XPO6: variants seen among roughly 807,000 people sequenced by gnomAD.
XPO6 encodes exportin-6.
Under a neutral mutation model 130.0 loss-of-function variants are expected in XPO6, and 3 were observed. That is an observed-to-expected ratio of 0.02 (90% CI 0.01 to 0.06). The LOEUF (loss-of-function observed/expected upper bound fraction) is 0.06. Among genes scored for constraint, XPO6 ranks in the 10% least tolerant of loss-of-function variants. The probability of loss-of-function intolerance (pLI) is 1.00; values close to 1 mark genes in which losing one functional copy is unlikely to be tolerated. For missense variants in XPO6, 970 were observed against 1,393.0 expected (o/e 0.70, Z 4.83); for synonymous variants, 524 against 548.9 (o/e 0.95, Z 0.63).
At chr16:28,189,211 G>T in intron 1 of XPO6, among the ~76,000 whole-genome samples, 1 of 149,580 alleles carries the variant, frequency 6.7e-6, no homozygotes, top group Non-Finnish European at 1.5e-5. Context: ...CTCCAAAAGT[G>T]CTGGGATTAG....
At chr16:28,110,658 G>C (rs904835656) in intron 17 of XPO6, among the ~76,000 whole-genome samples, 9 of 152,210 alleles carry the variant, frequency 5.9e-5, no homozygotes, top group African/African-American at 2.2e-4. Flanking sequence ...CACAACAGCT[G>C]GATGCAAGCC....
rs528164511 is a variant in XPO6, at chr16:28,107,410, G to A, written c.2497+112C>T. 31 of 1,288,730 alleles carry A rather than the reference G, an allele frequency of 2.4e-5. No individual in the cohort carries two copies. In the Admixed American group the frequency reaches 3.8e-4, roughly 16 times the overall value. 79.8% of individuals were successfully genotyped at this position (1,288,730 alleles called of 1,614,324 possible). On this transcript the variant is annotated intron_variant, in intron 18 of 23. Transcript: ENST00000304658. ...CCCTCAGTACCGGGTTTCGTTGCACGGAACAAGTCAAGGCCTGTACTGCAC... is the reference window on the plus strand; with the variant it reads ...CCCTCAGTACCGGGTTTCGTTGCACAGAACAAGTCAAGGCCTGTACTGCAC...
chr16:28,117,664 G>C (rs1338730741), intron 14 of XPO6, among the ~76,000 whole-genome samples: 1 of 152,176 alleles, frequency 6.6e-6, no homozygotes, highest in Non-Finnish European at 1.5e-5. Flanking sequence ...CCGCTGACTA[G>C]AGCACAGAAG....
chr16:28,177,774 G>A (rs2043555503), intron 2 of XPO6, among the ~76,000 whole-genome samples: 1 of 152,124 alleles, frequency 6.6e-6, no homozygotes, highest in Non-Finnish European at 1.5e-5. Flanking sequence ...ATGACGGCTA[G>A]AAAGGCAGAA....
At chr16:28,133,502 G>A (rs74629011) in intron 11 of XPO6, among the ~76,000 whole-genome samples, 30 of 152,292 alleles carry the variant, frequency 2.0e-4, no homozygotes, top group African/African-American at 7.0e-4. Context: ...AATTTGCCAA[G>A]AGCGAGCTTT....
chr16:28,106,139 C>A lies in XPO6; in HGVS notation c.2688G>T (p.Leu896=), dbSNP rs2086774221. Residue 896 remains leucine (L), a synonymous_variant, in exon 20 of 24, where the codon CTG becomes CTT. Coordinates refer to ENST00000304658, the MANE Select transcript of XPO6 (RefSeq NM_015171.4). This position sits in a 1 kb window ranked among gnomAD's most constrained non-coding sequence, Gnocchi z 4.2. ...GGCCTGGCTCCTGGACCACCACCTG[C>A]AGGATCTTCAGAAACTTCTCCACCA... ...CRVVEKFLKI[L]QVVVQEPGQV... 1 of 1,614,170 alleles carries A rather than the reference C, an allele frequency of 6.2e-7. No homozygotes were observed.
At chr16:28,207,105 G>A (rs1596982000) in intron 1 of XPO6, among the ~76,000 whole-genome samples, 1 of 151,982 alleles carries the variant, frequency 6.6e-6, no homozygotes, top group African/African-American at 2.4e-5. Flanking sequence ...AAAATTAGCC[G>A]GGTATGGTGG....
chr16:28,129,762 T>A (rs767943758), intron 12 of XPO6, among the ~76,000 whole-genome samples: 2 of 152,128 alleles, frequency 1.3e-5, no homozygotes, highest in Non-Finnish European at 2.9e-5. Flanking sequence ...AAATCTTACA[T>A]AAAATGTTGT....
chr16:28,192,166 G>C (rs925742935), intron 1 of XPO6, among the ~76,000 whole-genome samples: 1 of 150,800 alleles, frequency 6.6e-6, no homozygotes, highest in African/African-American at 2.4e-5. Flanking sequence ...AGGAGGCTGA[G>C]GCAGGAGAAT....
chr16:28,186,372 TTC>T (rs2043693444), intron 1 of XPO6, among the ~76,000 whole-genome samples: 1 of 101,490 alleles, frequency 9.9e-6, no homozygotes, highest in Non-Finnish European at 2.0e-5. Context: ...GCCCCAGTTA[TTC>T]TTTTTTTTTT....
chr16:28,190,002 C>T (rs1011176598), intron 1 of XPO6, among the ~76,000 whole-genome samples: 4 of 152,094 alleles, frequency 2.6e-5, no homozygotes, highest in African/African-American at 9.7e-5. Context: ...AGATGACTGC[C>T]GGGTGTCTGG....
chr16:28,199,493 T>C, intron 1 of XPO6, among the ~76,000 whole-genome samples: 1 of 152,002 alleles, frequency 6.6e-6, no homozygotes, highest in East Asian at 2.0e-4. Flanking sequence ...GTCAGGCTGG[T>C]CTCAAACTCC....
At chr16:28,165,944 T>C (rs56196070) in intron 6 of XPO6, among the ~76,000 whole-genome samples, 68,703 of 152,106 alleles carry the variant, frequency 0.45, 17,216 homozygotes, top group Non-Finnish European at 0.57. Flanking sequence ...TTAACATAAC[T>C]GTGGACAATA....
intron 13 of XPO6, 72 bp from the exon 14 acceptor site, chr16:28,121,834 G>A (rs998649506): frequency 4.4e-5 from 46 of 1,037,714 alleles, no homozygotes; most frequent in Non-Finnish European, 5.0e-5. Context: ...GACAAGGCTG[G>A]TACCAGCAAA....
intron 9 of XPO6, among the ~76,000 whole-genome samples, chr16:28,135,950 TC>T (rs1265894129): frequency 1.3e-5 from 2 of 152,210 alleles, no homozygotes; most frequent in African/African-American, 4.8e-5. Flanking sequence ...CCTTGTCCTT[TC>T]TTTTACTAAG....
At chr16:28,185,409 T>C (rs1247511005) in intron 1 of XPO6, among the ~76,000 whole-genome samples, 1 of 152,110 alleles carries the variant, frequency 6.6e-6, no homozygotes, top group African/African-American at 2.4e-5. Context: ...TTATCTATGG[T>C]GTTATAATCA....
At position 28,211,866 on chromosome 16, in the gene XPO6, T is replaced by G. The variant is rs1257340819; in HGVS notation, c.-498A>C. 1 of 172,722 alleles carries G rather than the reference T, an allele frequency of 5.8e-6. No individual in the cohort carries two copies. Among genetic ancestry groups the G allele is most frequent in the East Asian group, 1.6e-4 (1 of 6,390 alleles). The allele number at this position is 172,722 out of a possible 1,614,324, so 10.7% of individuals were successfully genotyped here. On this transcript the variant is annotated 5_prime_UTR_variant, in exon 1 of 24. Transcript: ENST00000304658. ...TCGCAGCCTCAACCCACACGGCCAC[T>G]GCCGCCGCCCCCTAGAGCATCCTTG...
chr16:28,178,404 C>T (rs1214407625), intron 2 of XPO6, among the ~76,000 whole-genome samples: 1 of 151,420 alleles, frequency 6.6e-6, no homozygotes, highest in Non-Finnish European at 1.5e-5. Context: ...CCTGTCTCTA[C>T]AAAACAATGA....
At chr16:28,171,935 C>T (rs887714599) in intron 4 of XPO6, among the ~76,000 whole-genome samples, 2 of 152,156 alleles carry the variant, frequency 1.3e-5, no homozygotes, top group Non-Finnish European at 2.9e-5. Context: ...TCTTTTGTCT[C>T]TATTTTCCCC....
Sources: gnomAD v4.1 joint callset for allele counts (sites outside exome capture counted in the v4.1 genomes callset) on GRCh38, gnomAD v4.1.1 for gene constraint, Gnocchi (gnomAD v3.1) non-coding constraint, MANE v1.5 for transcripts, NCBI Gene and HGNC (gene_info 2026-07-23, HGNC 2026-07-21) for gene names.